Variants in SPAG16 observed in about 807,000 individuals in gnomAD.
SPAG16 encodes the protein sperm-associated antigen 16 protein.
A neutral mutation model predicts 80.4 loss-of-function variants in SPAG16; 86 were observed. The ratio of observed to expected loss-of-function variants is 1.07; its 90% CI spans 0.90 to 1.28. The LOEUF is 1.28. Ranked by LOEUF, SPAG16 falls within the 50% of genes most tolerant of loss-of-function variation. SPAG16 has a pLI of 0.00. For missense variants in SPAG16, 870 were observed against 765.3 expected (o/e 1.14, Z -1.61); for synonymous variants, 294 against 265.9 (o/e 1.11, Z -1.03).
At chr2:213,301,887 G>T (rs2062754610) in intron 3 of SPAG16, among the ~76,000 whole-genome samples, 1 of 152,060 alleles carries the variant, frequency 6.6e-6, no homozygotes, top group African/African-American at 2.4e-5. Flanking sequence ...TTGAATATTG[G>T]TTTATCTTTC....
chr2:214,024,082 T>C (rs1362708751), intron 13 of SPAG16, among the ~76,000 whole-genome samples: 2 of 151,572 alleles, frequency 1.3e-5, no homozygotes, highest in Non-Finnish European at 3.0e-5. Flanking sequence ...GTAAGTAAAA[T>C]TCCCAATCAA....
intron 12 of SPAG16, among the ~76,000 whole-genome samples, chr2:213,932,184 A>G (rs1322907563): frequency 9.0e-4 from 18 of 20,030 alleles, no homozygotes; most frequent in African/African-American, 1.5e-3. Flanking sequence ...ATATATATAT[A>G]TATATATATA....
At chr2:213,415,868 A>G (rs981536835) in intron 9 of SPAG16, among the ~76,000 whole-genome samples, 3 of 152,228 alleles carry the variant, frequency 2.0e-5, no homozygotes, top group African/African-American at 4.8e-5. Context: ...AATAGGGTCT[A>G]AGGGGAGGGA....
rs2068594099 is a variant in SPAG16 at position 213,406,076 on chromosome 2, T to C, written c.942+30957T>C. Among the ~76,000 whole-genome samples, 4 of 152,214 alleles carry C rather than the reference T, an allele frequency of 2.6e-5. No homozygotes were observed. In the South Asian group the frequency reaches 6.2e-4, roughly 24 times the overall value. On this transcript the variant is annotated intron_variant, in intron 9 of 15. Transcript: ENST00000331683. ...CTTAGGTTCAGCATCTTTAAGCTGA[T>C]AGTGGCAAAGGCAATGGTCAATTAC...
chr2:213,391,731 A>G (rs777345028), intron 9 of SPAG16, among the ~76,000 whole-genome samples: 3 of 152,330 alleles, frequency 2.0e-5, no homozygotes, highest in East Asian at 1.9e-4. Flanking sequence ...TAAGTGTGAC[A>G]TAAGTTACAC....
At chr2:213,551,206 C>T (rs2076769542) in intron 10 of SPAG16, among the ~76,000 whole-genome samples, 1 of 152,314 alleles carries the variant, frequency 6.6e-6, no homozygotes, top group African/African-American at 2.4e-5. Context: ...CCTTCTGGCT[C>T]CAAGTCCAGA....
At chr2:214,222,150 C>T (rs981712752) in intron 15 of SPAG16, among the ~76,000 whole-genome samples, 4 of 134,020 alleles carry the variant, frequency 3.0e-5, no homozygotes, top group Admixed American at 8.4e-5. Flanking sequence ...GAGTTTCGCT[C>T]GTCTCACTCA....
At chr2:214,340,380 G>A (rs1697588333) in intron 15 of SPAG16, among the ~76,000 whole-genome samples, 1 of 152,130 alleles carries the variant, frequency 6.6e-6, no homozygotes, top group African/African-American at 2.4e-5. Flanking sequence ...CAGAATTCCT[G>A]GAGGGTTGCC....
At chr2:213,985,869 A>G (rs147151271) in intron 12 of SPAG16, among the ~76,000 whole-genome samples, 1 of 152,120 alleles carries the variant, frequency 6.6e-6, no homozygotes, top group Non-Finnish European at 1.5e-5. Context: ...GAGCAGAGTT[A>G]TGCAAGGAAT....
intron 9 of SPAG16, among the ~76,000 whole-genome samples, chr2:213,428,379 A>G (rs2070078308): frequency 1.3e-5 from 2 of 152,218 alleles, no homozygotes; most frequent in Non-Finnish European, 2.9e-5. Flanking sequence ...GGACATCACT[A>G]GGAAGCACCC....
intron 15 of SPAG16, among the ~76,000 whole-genome samples, chr2:214,196,681 G>A (rs1306532704): frequency 1.3e-5 from 2 of 152,066 alleles, no homozygotes; most frequent in Non-Finnish European, 2.9e-5. Context: ...CATTATTTGT[G>A]GTTGAATTTT....
intron 15 of SPAG16, among the ~76,000 whole-genome samples, chr2:214,185,827 A>G (rs1481177805): frequency 6.6e-6 from 1 of 152,148 alleles, no homozygotes; most frequent in Non-Finnish European, 1.5e-5. Flanking sequence ...AAGCAGCCCC[A>G]CAATACACAC....
chr2:213,835,515 A>G (rs1319788883), intron 10 of SPAG16, among the ~76,000 whole-genome samples: 1 of 152,144 alleles, frequency 6.6e-6, no homozygotes, highest in Non-Finnish European at 1.5e-5. Context: ...ACATTTCTCT[A>G]GAATCCATGC....
intron 15 of SPAG16, among the ~76,000 whole-genome samples, chr2:214,254,380 G>T (rs1220117520): frequency 3.9e-5 from 6 of 152,064 alleles, no homozygotes; most frequent in African/African-American, 1.4e-4. Context: ...CAAAGGGAAT[G>T]CTTCCAGTTT....
At chr2:214,046,792 A>G (rs1575965140) in intron 13 of SPAG16, among the ~76,000 whole-genome samples, 1 of 152,132 alleles carries the variant, frequency 6.6e-6, no homozygotes, top group Non-Finnish European at 1.5e-5. Context: ...GGAAATACCT[A>G]AAGACTTCAC....
chr2:213,613,084 C>T lies in SPAG16; in HGVS notation c.1070+122994C>T, dbSNP rs540782473. Among the ~76,000 whole-genome samples, 108 of 152,288 alleles carry T rather than the reference C, an allele frequency of 7.1e-4. 3 individuals are homozygous for T. The South Asian group carries it at 0.022, about 31-fold the overall frequency. On this transcript the variant is annotated intron_variant, in intron 10 of 15. Coordinates refer to ENST00000331683, the MANE Select transcript of SPAG16 (RefSeq NM_024532.5). ...GGTTTCTTCAGAGTGTATGCAGTAT[C>T]TGACCACTTCTCACCATTTTCATTT...
chr2:214,162,219 A>G (rs56164657), intron 15 of SPAG16, among the ~76,000 whole-genome samples: 7,798 of 152,130 alleles, frequency 0.051, 693 homozygotes, highest in African/African-American at 0.18. Context: ...AGATCCCAGG[A>G]CCTTTTGGTG....
intron 15 of SPAG16, among the ~76,000 whole-genome samples, chr2:214,295,528 T>A (rs746018395): frequency 5.3e-5 from 8 of 152,320 alleles, no homozygotes; most frequent in Middle Eastern, 3.4e-3. Context: ...CAGTGGCTCA[T>A]GCCTGTAATC....
At chr2:214,378,594 T>C (rs190981561) in intron 15 of SPAG16, among the ~76,000 whole-genome samples, 11 of 152,304 alleles carry the variant, frequency 7.2e-5, no homozygotes, top group Admixed American at 6.5e-4. Context: ...TCTACCTTGA[T>C]AGACTTGCAC....
Sources: gnomAD v4.1 joint callset for allele counts (sites outside exome capture counted in the v4.1 genomes callset) on GRCh38, gnomAD v4.1.1 for gene constraint, MANE v1.5 for transcripts, NCBI Gene and HGNC (gene_info 2026-07-23, HGNC 2026-07-21) for gene names.